Variants in MGMT observed in about 807,000 individuals in gnomAD.
MGMT encodes the protein O-6-methylguanine-DNA methyltransferase.
Under a neutral mutation model 15.9 loss-of-function variants are expected in MGMT, and 14 were observed. The ratio of observed to expected loss-of-function variants is 0.88; its 90% CI spans 0.58 to 1.37. MGMT has a LOEUF of 1.37. Ranked by LOEUF, MGMT falls within the 40% of genes most tolerant of loss-of-function variation. MGMT has a pLI of 0.00. For synonymous variants in MGMT, 130 were observed against 118.2 expected (o/e 1.10, Z -0.65); for missense variants, 282 against 268.1 (o/e 1.05, Z -0.36).
intron 2 of MGMT, among the ~76,000 whole-genome samples, chr10:129,599,784 G>T (rs1425695502): frequency 6.6e-6 from 1 of 152,146 alleles, no homozygotes; most frequent in Non-Finnish European, 1.5e-5. Flanking sequence ...TTTCTATACT[G>T]TTTGTCATGA....
At chr10:129,721,450 A>G (rs1388538982) in intron 3 of MGMT, among the ~76,000 whole-genome samples, 1 of 152,266 alleles carries the variant, frequency 6.6e-6, no homozygotes, top group Non-Finnish European at 1.5e-5. Flanking sequence ...CTATAAGTTG[A>G]ACAAATTTCA....
chr10:129,720,146 T>G (rs1002218507), intron 3 of MGMT, among the ~76,000 whole-genome samples: 1 of 152,198 alleles, frequency 6.6e-6, no homozygotes, highest in Non-Finnish European at 1.5e-5. Flanking sequence ...GTGTTTTGGT[T>G]TGTCATCTCC....
chr10:129,527,855 C>A (rs1378946240), intron 1 of MGMT, among the ~76,000 whole-genome samples: 2 of 152,146 alleles, frequency 1.3e-5, no homozygotes, highest in Non-Finnish European at 2.9e-5. Flanking sequence ...GTGACCTGGC[C>A]ACCACCTTCT....
chr10:129,511,014 G>A (rs1199962058), intron 1 of MGMT, among the ~76,000 whole-genome samples: 2 of 147,674 alleles, frequency 1.4e-5, no homozygotes, highest in Non-Finnish European at 3.0e-5. Flanking sequence ...ACACAGACAC[G>A]TGCTTCCTGT....
chr10:129,711,158 T>C (rs552345994), intron 3 of MGMT, among the ~76,000 whole-genome samples: 29 of 152,330 alleles, frequency 1.9e-4, no homozygotes, highest in African/African-American at 6.5e-4. Flanking sequence ...ACACGGCCTC[T>C]TCGCGGTACC....
chr10:129,468,884 G>A (rs574027808), intron 1 of MGMT, among the ~76,000 whole-genome samples: 1 of 152,206 alleles, frequency 6.6e-6, no homozygotes, highest in South Asian at 2.1e-4. Context: ...AAACTGTCCT[G>A]AAGGGGAAAC....
chr10:129,636,782 G>A (rs1309902461), intron 2 of MGMT, among the ~76,000 whole-genome samples: 1 of 152,168 alleles, frequency 6.6e-6, no homozygotes, highest in African/African-American at 2.4e-5. Context: ...AAAAAAGTAT[G>A]TGAACATAAA....
At chr10:129,689,873 A>G (rs1003991304) in intron 2 of MGMT, among the ~76,000 whole-genome samples, 2 of 152,216 alleles carry the variant, frequency 1.3e-5, no homozygotes, top group African/African-American at 2.4e-5. Flanking sequence ...GAAAAGAGAG[A>G]TGATAGGCCG....
intron 2 of MGMT, among the ~76,000 whole-genome samples, chr10:129,633,465 T>G (rs1350335756): frequency 1.3e-5 from 2 of 152,240 alleles, no homozygotes; most frequent in African/African-American, 4.8e-5. Context: ...CAAATGATGA[T>G]AATGGCTGTT....
intron 1 of MGMT, among the ~76,000 whole-genome samples, chr10:129,487,477 T>C (rs1278114573): frequency 6.6e-6 from 1 of 152,078 alleles, no homozygotes; most frequent in African/African-American, 2.4e-5. Flanking sequence ...TTACCAAAAA[T>C]GATGCCTCCT....
intron 2 of MGMT, among the ~76,000 whole-genome samples, chr10:129,670,340 G>A (rs572495468): frequency 6.6e-5 from 10 of 152,164 alleles, no homozygotes; most frequent in East Asian, 5.8e-4. Flanking sequence ...AGGTTGTACC[G>A]AAGTAGTACT....
intron 1 of MGMT, among the ~76,000 whole-genome samples, chr10:129,475,403 T>G (rs1845279799): frequency 6.6e-6 from 1 of 152,096 alleles, no homozygotes; most frequent in Admixed American, 6.5e-5. Flanking sequence ...ATGAGAGGCG[T>G]GAGGCACGGC....
chr10:129,607,579 T>C (rs1436784731), intron 2 of MGMT, among the ~76,000 whole-genome samples: 1 of 152,154 alleles, frequency 6.6e-6, no homozygotes, highest in Non-Finnish European at 1.5e-5. Context: ...TTTTAAAGGG[T>C]CCTGCTGAAG....
chr10:129,677,580 TG>T (rs1847799814), intron 2 of MGMT, among the ~76,000 whole-genome samples: 3 of 152,216 alleles, frequency 2.0e-5, no homozygotes, highest in African/African-American at 2.4e-5. Flanking sequence ...TCACCCAGTC[TG>T]TTTGTAAGCA....
chr10:129,713,552 G>A (rs1018737662), intron 3 of MGMT, among the ~76,000 whole-genome samples: 12 of 152,234 alleles, frequency 7.9e-5, no homozygotes, highest in Non-Finnish European at 8.8e-5. Context: ...TACCGGGGCC[G>A]CCACCAGGAA....
intron 2 of MGMT, among the ~76,000 whole-genome samples, chr10:129,624,593 A>T (rs1026959633): frequency 1.3e-5 from 2 of 152,268 alleles, no homozygotes; most frequent in African/African-American, 4.8e-5. Flanking sequence ...GACACGAAAT[A>T]GCAAACATAC....
At chr10:129,604,672 G>T (rs1044850691) in intron 2 of MGMT, among the ~76,000 whole-genome samples, 3 of 152,276 alleles carry the variant, frequency 2.0e-5, no homozygotes, top group South Asian at 2.1e-4. Flanking sequence ...GTTGGGGGCT[G>T]CAGTGGTTCA....
intron 2 of MGMT, among the ~76,000 whole-genome samples, chr10:129,638,453 A>AAAAAAAAAAAG: frequency 6.7e-6 from 1 of 149,150 alleles, no homozygotes; most frequent in Non-Finnish European, 1.5e-5. Flanking sequence ...AAAGAAAAAA[A>AAAAAAAAAAAG]AAAGAAAAAT....
At chr10:129,510,168 G>A (rs1845666211) in intron 1 of MGMT, among the ~76,000 whole-genome samples, 2 of 152,292 alleles carry the variant, frequency 1.3e-5, no homozygotes, top group African/African-American at 4.8e-5. Context: ...GAAAGGAAAT[G>A]TTCATGGGAT....
Sources: gnomAD v4.1 joint callset for allele counts (sites outside exome capture counted in the v4.1 genomes callset) on GRCh38, gnomAD v4.1.1 for gene constraint, MANE v1.5 for transcripts, NCBI Gene and HGNC (gene_info 2026-07-23, HGNC 2026-07-21) for gene names.